The following NRXN1 variants were observed in gnomAD, a reference collection of about 807,000 sequenced individuals.
NRXN1 encodes the protein neurexin 1.
A neutral mutation model predicts 150.9 loss-of-function variants in NRXN1; 39 were observed. The observed-to-expected ratio is 0.26, with a 90% CI of 0.20 to 0.34. The LOEUF (loss-of-function observed/expected upper bound fraction) is 0.34. Ranked by LOEUF, NRXN1 falls within the 10% of genes least tolerant of loss-of-function variation. The pLI, the probability that NRXN1 is intolerant of heterozygous loss-of-function variation, is 1.00. For missense variants in NRXN1, 1,815 were observed against 1,949.9 expected (o/e 0.93, Z 1.30); for synonymous variants, 924 against 757.0 (o/e 1.22, Z -3.62).
At chr2:50,119,922 G>A (rs1703633874) in intron 18 of NRXN1, among the ~76,000 whole-genome samples, 1 of 152,108 alleles carries the variant, frequency 6.6e-6, no homozygotes, top group Non-Finnish European at 1.5e-5. Flanking sequence ...TCTCTCATGG[G>A]TTTGTTTTTA....
rs534913188 is a variant in NRXN1 at position 50,693,333 on chromosome 2, A to C, written c.833-69718T>G. On this transcript the variant is annotated intron_variant, in intron 5 of 22. Transcript: ENST00000401669. ...AGGTAGACTGAGGTGCCAAGATTGG[A>C]GACTGGTGTGGTAAAGGCCAGCTCC... Among the ~76,000 whole-genome samples, 18 of 152,246 alleles carry C rather than the reference A, an allele frequency of 1.2e-4. No homozygotes were observed. In the East Asian group the frequency reaches 3.3e-3, roughly 28 times the overall value.
At chr2:50,770,796 G>C (rs1702924790) in intron 5 of NRXN1, among the ~76,000 whole-genome samples, 1 of 152,002 alleles carries the variant, frequency 6.6e-6, no homozygotes, top group South Asian at 2.1e-4. Flanking sequence ...GGTAGAGAGA[G>C]AGTAAAGTAA....
At chr2:50,509,778 G>T (rs553740441) in intron 12 of NRXN1, among the ~76,000 whole-genome samples, 23 of 152,210 alleles carry the variant, frequency 1.5e-4, no homozygotes, top group African/African-American at 4.3e-4. Flanking sequence ...TTGTGCCAAC[G>T]TCTTTCTCCC....
intron 15 of NRXN1, among the ~76,000 whole-genome samples, chr2:50,478,709 T>C (rs2090196220): frequency 6.6e-6 from 1 of 152,186 alleles, no homozygotes; most frequent in Non-Finnish European, 1.5e-5. Context: ...AAATCAAACC[T>C]TCATCATCTC....
intron 8 of NRXN1, among the ~76,000 whole-genome samples, chr2:50,584,757 G>A (rs1672823162): frequency 6.6e-6 from 1 of 152,118 alleles, no homozygotes; most frequent in Non-Finnish European, 1.5e-5. Flanking sequence ...TGGTATGCTG[G>A]TTTAAAATGC....
At chr2:50,702,959 G>C (rs1693959964) in intron 5 of NRXN1, among the ~76,000 whole-genome samples, 2 of 151,800 alleles carry the variant, frequency 1.3e-5, no homozygotes, top group Non-Finnish European at 2.9e-5. Flanking sequence ...CTTTATAATA[G>C]GATATAAACA....
chr2:49,947,503 C>CTT (rs376145888), intron 21 of NRXN1, among the ~76,000 whole-genome samples: 11 of 134,068 alleles, frequency 8.2e-5, no homozygotes, highest in Non-Finnish European at 1.1e-4. Context: ...TTTTTTCTTT[C>CTT]TTTTTTTTTT....
At chr2:50,161,233 T>A (rs898043851) in intron 18 of NRXN1, among the ~76,000 whole-genome samples, 6 of 152,148 alleles carry the variant, frequency 3.9e-5, no homozygotes, top group Admixed American at 3.3e-4. Context: ...ATCTATTATA[T>A]TACTTCATTT....
intron 5 of NRXN1, among the ~76,000 whole-genome samples, chr2:50,643,243 C>T (rs1050456166): frequency 2.6e-5 from 4 of 151,834 alleles, no homozygotes; most frequent in African/African-American, 9.7e-5. Context: ...CACTTATTAG[C>T]GCTGTTTGTG....
chr2:50,736,999 T>G (rs1323018571), intron 5 of NRXN1, among the ~76,000 whole-genome samples: 1 of 152,152 alleles, frequency 6.6e-6, no homozygotes, highest in Non-Finnish European at 1.5e-5. Context: ...GGTGCATGCC[T>G]GTAATCCCAG....
rs1055805656 is a variant in NRXN1, at chr2:50,915,594, G to A, written c.832+6275C>T. Among the ~76,000 whole-genome samples, 4 of 151,280 alleles carry A rather than the reference G, an allele frequency of 2.6e-5. No homozygotes were observed. In the South Asian group the frequency reaches 6.3e-4, roughly 24 times the overall value. ...TTTGTACAAATGTTCTCTGTAGTAC[G>A]GATCATCAGGACATGGGTGTCTAGT... On this transcript the variant is annotated intron_variant, in intron 5 of 22. Coordinates refer to ENST00000401669, the MANE Select transcript of NRXN1 (RefSeq NM_001330078.2).
At chr2:50,516,271 C>G (rs915448036) in intron 12 of NRXN1, among the ~76,000 whole-genome samples, 1 of 152,082 alleles carries the variant, frequency 6.6e-6, no homozygotes, top group African/African-American at 2.4e-5. Context: ...AAGATGGTAG[C>G]AGTGGAGCAT....
At chr2:50,500,920 T>G (rs1363955417) in intron 13 of NRXN1, among the ~76,000 whole-genome samples, 1 of 152,194 alleles carries the variant, frequency 6.6e-6, no homozygotes. Flanking sequence ...AGCCTTGGTA[T>G]TGGAGAAATA....
At chr2:50,887,837 AC>A (rs2103785330) in intron 5 of NRXN1, among the ~76,000 whole-genome samples, 2 of 151,502 alleles carry the variant, frequency 1.3e-5, no homozygotes, top group African/African-American at 4.8e-5. Context: ...CATGCTTTTT[AC>A]TTTAACCTCA....
chr2:49,960,266 A>G (rs1675700258), intron 21 of NRXN1, among the ~76,000 whole-genome samples: 1 of 152,212 alleles, frequency 6.6e-6, no homozygotes, highest in Non-Finnish European at 1.5e-5. Flanking sequence ...TTGTGTCCTG[A>G]AAGGTTTGGA....
chr2:50,251,719 C>A (rs2067106378), intron 17 of NRXN1, among the ~76,000 whole-genome samples: 1 of 152,166 alleles, frequency 6.6e-6, no homozygotes, highest in South Asian at 2.1e-4. Context: ...TTAATAATCA[C>A]CATTCTGACT....
chr2:50,877,168 C>G (rs1333139776), intron 5 of NRXN1, among the ~76,000 whole-genome samples: 1 of 151,136 alleles, frequency 6.6e-6, no homozygotes, highest in African/African-American at 2.4e-5. Context: ...ACACACACAT[C>G]CCCAACACAC....
Position 50,553,616 on chromosome 2 carries a change from T to C in NRXN1, c.1321-591A>G, listed in dbSNP as rs539056997. ...AAATATATAACTAAGATACAGAAGA[T>C]CCCTGACCTGCATCAATACCTTTGA... On this transcript the variant is annotated intron_variant, in intron 8 of 22. Coordinates refer to ENST00000401669, the MANE Select transcript of NRXN1 (RefSeq NM_001330078.2). 2.6e-5 allele frequency among the ~76,000 whole-genome samples: 4 copies of C among 152,206 alleles called. No homozygotes were observed. In the South Asian group the frequency reaches 6.2e-4, roughly 24 times the overall value.
intron 17 of NRXN1, among the ~76,000 whole-genome samples, chr2:50,336,332 A>G (rs1374775620): frequency 6.6e-6 from 1 of 152,248 alleles, no homozygotes; most frequent in Non-Finnish European, 1.5e-5. Flanking sequence ...ATAAAAACTC[A>G]TAAGAAATGA....
Sources: allele counts gnomAD v4.1 joint callset (sites outside exome capture counted in the v4.1 genomes callset), GRCh38; gene constraint gnomAD v4.1.1; transcripts MANE v1.5; gene names NCBI Gene and HGNC (gene_info 2026-07-23, HGNC 2026-07-21).